TBC1D22A: variants seen among roughly 807,000 people sequenced by gnomAD.
The protein encoded by TBC1D22A is TBC1 domain family member 22A, also known as putative GTPase activator.
Under a neutral mutation model 60.2 loss-of-function variants are expected in TBC1D22A, and 38 were observed. The observed-to-expected ratio is 0.63, with a 90% CI of 0.49 to 0.83. TBC1D22A has a LOEUF of 0.83. Among genes scored for constraint, TBC1D22A ranks in the 40% least tolerant of loss-of-function variants. TBC1D22A has a pLI of 0.00. For missense variants in TBC1D22A, 628 were observed against 701.0 expected (o/e 0.90, Z 1.18); for synonymous variants, 302 against 281.7 (o/e 1.07, Z -0.72).
chr22:47,033,436 C>G (rs1438852760), intron 10 of TBC1D22A, among the ~76,000 whole-genome samples: 1 of 152,204 alleles, frequency 6.6e-6, no homozygotes, highest in East Asian at 1.9e-4. Flanking sequence ...CCTGTTTGCT[C>G]TCTGTACTCA....
chr22:46,944,637 A>G (rs2072410829), intron 8 of TBC1D22A, among the ~76,000 whole-genome samples: 1 of 152,168 alleles, frequency 6.6e-6, no homozygotes, highest in African/African-American at 2.4e-5. Context: ...TGACCTTGTA[A>G]TCTGCCCACC....
chr22:46,784,825 C>T (rs904452039), intron 1 of TBC1D22A, among the ~76,000 whole-genome samples: 9 of 152,228 alleles, frequency 5.9e-5, no homozygotes, highest in Admixed American at 3.3e-4. Flanking sequence ...ATTCAGATTT[C>T]TGTGATATAC....
chr22:47,146,035 G>T (rs943979763), intron 12 of TBC1D22A, among the ~76,000 whole-genome samples: 7 of 148,124 alleles, frequency 4.7e-5, no homozygotes, highest in Non-Finnish European at 8.9e-5. Flanking sequence ...AGGCCATGGC[G>T]CAGAGATGCA....
chr22:46,873,425 A>G (rs1477348516), intron 4 of TBC1D22A, among the ~76,000 whole-genome samples: 2 of 152,204 alleles, frequency 1.3e-5, no homozygotes, highest in Non-Finnish European at 2.9e-5. Flanking sequence ...GAACAATTCA[A>G]ATGTTCATAC....
At chr22:46,815,683 G>A (rs912459115) in intron 4 of TBC1D22A, among the ~76,000 whole-genome samples, 1 of 152,288 alleles carries the variant, frequency 6.6e-6, no homozygotes, top group East Asian at 1.9e-4. Context: ...GGGCACTGAC[G>A]ATACAAAGAT....
At chr22:47,077,972 A>G (rs1603242453) in intron 11 of TBC1D22A, among the ~76,000 whole-genome samples, 1 of 152,130 alleles carries the variant, frequency 6.6e-6, no homozygotes, top group Non-Finnish European at 1.5e-5. Context: ...CCTTCCTGGA[A>G]TGGTTGTCTC....
chr22:46,869,337 G>C (rs1253626285), intron 4 of TBC1D22A, among the ~76,000 whole-genome samples: 1 of 152,190 alleles, frequency 6.6e-6, no homozygotes, highest in African/African-American at 2.4e-5. Flanking sequence ...CCATAGTCCT[G>C]GTGAACAGTG....
chr22:47,005,677 T>C (rs980172707), intron 10 of TBC1D22A, among the ~76,000 whole-genome samples: 1 of 145,086 alleles, frequency 6.9e-6, no homozygotes, highest in Non-Finnish European at 1.5e-5. Flanking sequence ...CATATACATA[T>C]ACACATACAC....
intron 4 of TBC1D22A, among the ~76,000 whole-genome samples, chr22:46,841,226 C>T (rs1034047536): frequency 4.6e-5 from 7 of 152,156 alleles, no homozygotes; most frequent in Non-Finnish European, 1.0e-4. Context: ...AGGTGGAGCC[C>T]TCATGGATGA....
intron 10 of TBC1D22A, among the ~76,000 whole-genome samples, chr22:47,034,010 C>T (rs1019506312): frequency 6.6e-6 from 1 of 152,200 alleles, no homozygotes; most frequent in Non-Finnish European, 1.5e-5. Context: ...TTAAATTCTG[C>T]GGGGGCTTCA....
intron 11 of TBC1D22A, among the ~76,000 whole-genome samples, chr22:47,084,573 G>A (rs1477065150): frequency 2.0e-5 from 3 of 152,164 alleles, no homozygotes; most frequent in Admixed American, 6.5e-5. Context: ...AAATGTGCAC[G>A]CGGATTCCTG....
intron 11 of TBC1D22A, among the ~76,000 whole-genome samples, chr22:47,059,679 C>T (rs1178068809): frequency 1.3e-5 from 2 of 152,210 alleles, no homozygotes; most frequent in East Asian, 1.9e-4. Flanking sequence ...GTCCCTCTCT[C>T]TGTCATGAGC....
chr22:47,165,045 C>A (rs1245161431), intron 12 of TBC1D22A, among the ~76,000 whole-genome samples: 1 of 152,146 alleles, frequency 6.6e-6, no homozygotes, highest in Non-Finnish European at 1.5e-5. Flanking sequence ...GTGCTCACTC[C>A]AGCCTCTCCA....
intron 10 of TBC1D22A, among the ~76,000 whole-genome samples, chr22:47,006,655 C>T (rs996871136): frequency 6.6e-6 from 1 of 152,188 alleles, no homozygotes; most frequent in African/African-American, 2.4e-5. Context: ...ATCAGCTTTG[C>T]GTTTTCTCCC....
At chr22:46,879,882 G>A (rs552083821) in intron 5 of TBC1D22A, among the ~76,000 whole-genome samples, 12 of 151,598 alleles carry the variant, frequency 7.9e-5, no homozygotes, top group African/African-American at 2.9e-4. Context: ...TTGTGGTTCC[G>A]CTTCCCTAAT....
At chr22:46,903,321 T>G (rs965957263) in intron 7 of TBC1D22A, among the ~76,000 whole-genome samples, 1 of 152,138 alleles carries the variant, frequency 6.6e-6, no homozygotes, top group Non-Finnish European at 1.5e-5. Context: ...AAGTTCAGCC[T>G]GCGGGGGCGT....
chr22:47,147,428 G>T (rs1035120999), intron 12 of TBC1D22A, among the ~76,000 whole-genome samples: 2 of 152,120 alleles, frequency 1.3e-5, no homozygotes, highest in African/African-American at 4.8e-5. Flanking sequence ...TCCTGCTGCC[G>T]GCCTGGTATA....
chr22:47,098,313 A>T (rs2065263173), intron 11 of TBC1D22A, among the ~76,000 whole-genome samples: 1 of 152,162 alleles, frequency 6.6e-6, no homozygotes, highest in African/African-American at 2.4e-5. Context: ...GCGTTTTAAG[A>T]GGAGATTCTT....
chr22:46,854,283 G>A (rs1569133866), intron 4 of TBC1D22A, among the ~76,000 whole-genome samples: 1 of 152,150 alleles, frequency 6.6e-6, no homozygotes, highest in African/African-American at 2.4e-5. Flanking sequence ...TGTAAAATGG[G>A]GATGGGAACT....
Sources: allele counts gnomAD v4.1 joint callset (sites outside exome capture counted in the v4.1 genomes callset), GRCh38; gene constraint gnomAD v4.1.1; transcripts MANE v1.5; gene names NCBI Gene and HGNC (gene_info 2026-07-23, HGNC 2026-07-21).